EDEM3: variants seen among roughly 807,000 people sequenced by gnomAD.
The protein encoded by EDEM3 is ER degradation enhancing alpha-mannosidase like protein 3.
EDEM3 carries 60 observed loss-of-function variants against 110.2 expected under a neutral mutation model. That is an observed-to-expected ratio of 0.54 (90% CI 0.44 to 0.67). EDEM3 has a LOEUF of 0.67. EDEM3 is among the 30% of genes least tolerant of loss of function. The pLI, the probability that EDEM3 is intolerant of heterozygous loss-of-function variation, is 0.00. For synonymous variants in EDEM3, 352 were observed against 382.9 expected, an observed-to-expected ratio of 0.92 and a Z score of 0.94; for missense variants, 996 against 1,121.0, an observed-to-expected ratio of 0.89 and a Z score of 1.59.
intron 5 of EDEM3, among the ~76,000 whole-genome samples, chr1:184,733,920 C>T (rs557017951): frequency 6.6e-6 from 1 of 151,974 alleles, no homozygotes; most frequent in Admixed American, 6.5e-5. Flanking sequence ...TGAAGAGGTG[C>T]TTGGCTATGG....
At chr1:184,746,991 A>T (rs1017377273) in intron 2 of EDEM3, among the ~76,000 whole-genome samples, 6 of 151,680 alleles carry the variant, frequency 4.0e-5, no homozygotes, top group African/African-American at 1.5e-4. Flanking sequence ...TTGCATTTAA[A>T]CACAAAGATA....
intron 2 of EDEM3, among the ~76,000 whole-genome samples, chr1:184,739,544 C>T (rs1571412307): frequency 6.6e-6 from 1 of 151,908 alleles, no homozygotes; most frequent in East Asian, 1.9e-4. Context: ...CTGAGCCTTC[C>T]CTTCTCAGAA....
At chr1:184,707,589 C>T (rs1026123125) in intron 17 of EDEM3, among the ~76,000 whole-genome samples, 4 of 152,180 alleles carry the variant, frequency 2.6e-5, no homozygotes, top group Non-Finnish European at 4.4e-5. Context: ...TAGATTGTCA[C>T]GATACTTGGG....
intron 15 of EDEM3, 94 bp downstream of exon 15, chr1:184,711,629 T>A: frequency 8.5e-7 from 1 of 1,174,576 alleles, no homozygotes; most frequent in Non-Finnish European, 1.1e-6. Flanking sequence ...CCTATGTGAA[T>A]GTCTTCTTGG....
At chr1:184,741,344 C>T (rs781538531) in intron 2 of EDEM3, among the ~76,000 whole-genome samples, 5 of 151,692 alleles carry the variant, frequency 3.3e-5, no homozygotes, top group South Asian at 2.1e-4. Context: ...GGCTGCACTG[C>T]GCCGAGATCT....
At chr1:184,717,470 T>C (rs961833502) in intron 12 of EDEM3, 70 bp downstream of exon 12, 48 of 1,289,054 alleles carry the variant, frequency 3.7e-5, no homozygotes, top group Non-Finnish European at 4.9e-5. Context: ...CAATTACTAT[T>C]ATGAAAGAAT....
rs369563910 is a variant in EDEM3, at chr1:184,721,405, G to A, written c.854-19C>T. Reference sequence around the variant, plus strand: ...CCACTATCTATGGAAACACAAATGTGATTTTTCATTAAATTTTTTTAAAAC... The same window carrying A: ...CCACTATCTATGGAAACACAAATGTAATTTTTCATTAAATTTTTTTAAAAC... On this transcript the variant is annotated intron_variant, in intron 8 of 19. Transcript: ENST00000318130. The A allele has an allele frequency of 3.9e-6, 6 of 1,551,986 alleles. No individual in the cohort carries two copies. The African/African-American group carries it at 8.4e-5, about 22-fold the overall frequency.
rs71101940 is a variant in EDEM3 at position 184,723,865 on chromosome 1, TAAAAAAAAAAA to T, written c.748-20_748-10del. On this transcript the variant is annotated splice_polypyrimidine_tract_variant and intron_variant, in intron 7 of 19. Coordinates refer to ENST00000318130, the MANE Select transcript of EDEM3 (RefSeq NM_025191.4). ...GCTTTTCTGGCATATTCCTGTAATT[TAAAAAAAAAAA>T]AAAAAAAAAGAAGTGCATATTTGAA... 4.8e-5 allele frequency: 52 copies of T among 1,091,076 alleles called. No individual in the cohort carries two copies. Among genetic ancestry groups the T allele is most frequent in the Non-Finnish European group, 6.1e-5 (51 of 832,630 alleles). 67.6% of individuals were successfully genotyped at this position (1,091,076 alleles called of 1,614,324 possible). A position where few individuals can be genotyped will look rare whatever the true frequency, so the allele number is the denominator to read the frequency against.
At chr1:184,733,731 G>A (rs1471305938) in intron 5 of EDEM3, among the ~76,000 whole-genome samples, 1 of 151,866 alleles carries the variant, frequency 6.6e-6, no homozygotes, top group Non-Finnish European at 1.5e-5. Flanking sequence ...GGGAGGCTGA[G>A]GCAGGAGAAT....
chr1:184,747,030 A>AC (rs1481425724), intron 2 of EDEM3, among the ~76,000 whole-genome samples: 1 of 151,986 alleles, frequency 6.6e-6, no homozygotes, highest in Admixed American at 6.6e-5. Context: ...CAAAAAAAAA[A>AC]AAACATTATT....
Position 184,753,156 on chromosome 1 carries a change from TA to T in EDEM3, c.158+1332del, listed in dbSNP as rs1207169922. On this transcript the variant is annotated intron_variant, in intron 1 of 19. Coordinates refer to ENST00000318130, the MANE Select transcript of EDEM3 (RefSeq NM_025191.4). ...TGATGGTTCCACCACCCCTCCAGCC[TA>T]ACCCCATGAGATAATCTTCGTTCCA... Among the ~76,000 whole-genome samples the T allele has an allele frequency of 1.0e-3, 152 of 152,244 alleles. 1 individual carries two copies. The highest frequency in any genetic ancestry group is 3.5e-3 in the African/African-American group (147 of 41,560).
rs769777321 is a variant in EDEM3, at chr1:184,710,455, A to G, written c.1784T>C (p.Met595Thr). ...NPEHLEILKK[M>T]GVSLIHLKDG... ...TTTGAGGTGAATCAAACTCACCCCC[A>G]TCTTCTTCAGGATTTCTAAATGCTC... The change falls in exon 16 of 20, where the codon ATG (methionine) becomes ACG (threonine). Residue 595 changes from methionine to threonine, a missense_variant. By Grantham distance (81) the Met-to-Thr change is moderately conservative (BLOSUM62 -1). Transcript: ENST00000318130. 1.2e-6 allele frequency: 2 copies of G among 1,613,938 alleles called. No individual in the cohort carries two copies. Among genetic ancestry groups the G allele is most frequent in the Non-Finnish European group, 8.5e-7 (1 of 1,179,892 alleles).
At chr1:184,704,885 C>G (rs1049535725) in intron 18 of EDEM3, among the ~76,000 whole-genome samples, 1 of 151,420 alleles carries the variant, frequency 6.6e-6, no homozygotes, top group Non-Finnish European at 1.5e-5. Context: ...TGGAGAAACC[C>G]CATCTCTACT....
rs1292724839 is a variant in EDEM3 at position 184,694,379 on chromosome 1, T to C, written c.2483A>G (p.Asp828Gly). ...EQISSSSQEV[D>G]LVDQESSEEN... Reference sequence around the variant, plus strand: ...CTCAGAAGACTCTTGATCAACCAAATCAACCTCCTGAGAACTTGATGAAAT... The same window carrying C: ...CTCAGAAGACTCTTGATCAACCAAACCAACCTCCTGAGAACTTGATGAAAT... The change falls in exon 20 of 20, where the codon GAT (aspartate) becomes GGT (glycine). Residue 828 changes from aspartate to glycine, a missense_variant. Asp to Gly is a moderately conservative substitution (Grantham distance 94). This residue lies in a region of EDEM3 where 345 missense variants were observed against 402.0 expected (regional missense o/e 0.86). Transcript: ENST00000318130. 4.7e-5 allele frequency: 75 copies of C among 1,612,410 alleles called. No homozygotes were observed. The Admixed American group carries it at 1.3e-3, about 27-fold the overall frequency.
At position 184,717,594 on chromosome 1, in the gene EDEM3, C is replaced by T; in HGVS notation, c.1191G>A (p.Trp397Ter). The T allele has an allele frequency of 6.2e-7, 1 of 1,603,404 alleles. No homozygotes were observed. The highest frequency in any genetic ancestry group is 8.5e-7 in the Non-Finnish European group (1 of 1,175,902). Reference protein sequence around the residue: ...EAFTTDFRVHWAQHPLRPEFA... With the variant: ...EAFTTDFRVH ...ATTCTGGCCTTAAAGGATGTTGAGC[C>T]CAGTGTACTCTGAAATCTGTGGTAA... is the stretch of plus-strand genomic sequence containing the variant. The change falls in exon 12 of 20, where the codon TGG becomes TGA. Residue 397 changes from tryptophan to a stop codon, truncating the protein, a stop_gained. Transcript: ENST00000318130. LOFTEE classifies it high-confidence loss of function.
intron 1 of EDEM3, among the ~76,000 whole-genome samples, chr1:184,753,980 C>T (rs1320566221): frequency 6.6e-6 from 1 of 152,152 alleles, no homozygotes; most frequent in African/African-American, 2.4e-5. Context: ...AAATACAGTG[C>T]AAGAAAACAC....
At chr1:184,725,370 G>C (rs1411955577) in intron 7 of EDEM3, among the ~76,000 whole-genome samples, 2 of 152,082 alleles carry the variant, frequency 1.3e-5, no homozygotes, top group African/African-American at 4.8e-5. Context: ...ATATCTGAGA[G>C]TGTAGTTATT....
intron 2 of EDEM3, among the ~76,000 whole-genome samples, chr1:184,744,587 C>T (rs1306901886): frequency 2.0e-5 from 3 of 151,518 alleles, no homozygotes; most frequent in Non-Finnish European, 4.4e-5. Flanking sequence ...AAATGTATGC[C>T]CAAATAAAAA....
chr1:184,694,163 T>C lies in EDEM3; in HGVS notation c.2699A>G (p.Asn900Ser). Residue 900 changes from asparagine to serine, a missense_variant, in exon 20 of 20, where the codon AAT (asparagine) becomes AGT (serine). This residue lies in a region of EDEM3 where 345 missense variants were observed against 402.0 expected (regional missense o/e 0.86). Coordinates refer to ENST00000318130, the MANE Select transcript of EDEM3 (RefSeq NM_025191.4). ...CTGGACCTTTTTACCCCAGCTAACA[T>C]TAGGATTGGAATCTTCCTCAGTTTC... ...QSETEEDSNP[N>S]VSWGKKVQPI... 1 of 1,613,410 alleles carries C rather than the reference T, an allele frequency of 6.2e-7. No homozygotes were observed. Among genetic ancestry groups the C allele is most frequent in the Non-Finnish European group, 8.5e-7 (1 of 1,179,612 alleles).
Sources: gnomAD v4.1 joint callset for allele counts (sites outside exome capture counted in the v4.1 genomes callset) on GRCh38, gnomAD v4.1.1 for gene constraint, gnomAD v4.1.1 regional missense constraint, MANE v1.5 for transcripts, NCBI Gene and HGNC (gene_info 2026-07-23, HGNC 2026-07-21) for gene names.